Variants in NELL1 observed in about 807,000 individuals in gnomAD.
NELL1 encodes the protein protein kinase C-binding protein NELL1.
Under a neutral mutation model 107.4 loss-of-function variants are expected in NELL1, and 76 were observed. The observed-to-expected ratio is 0.71, with a 90% CI of 0.59 to 0.86. NELL1 has a LOEUF of 0.86. NELL1 is among the 40% of genes least tolerant of loss of function. NELL1 has a pLI of 0.00. For synonymous variants in NELL1, 353 were observed against 341.2 expected (o/e 1.03, Z -0.38); for missense variants, 1,024 against 1,005.5 (o/e 1.02, Z -0.25).
intron 15 of NELL1, among the ~76,000 whole-genome samples, chr11:21,439,154 A>T (rs537357447): frequency 1.4e-4 from 22 of 151,972 alleles, no homozygotes; most frequent in Admixed American, 3.3e-4. Flanking sequence ...TAGACAAGTC[A>T]ACTAAAAATA....
intron 15 of NELL1, among the ~76,000 whole-genome samples, chr11:21,380,180 G>A (rs772244799): frequency 6.6e-6 from 1 of 151,996 alleles, no homozygotes; most frequent in Non-Finnish European, 1.5e-5. Flanking sequence ...TATCATCAAC[G>A]TTGCTTCTTT....
chr11:20,690,176 A>G (rs1854424083), intron 2 of NELL1, among the ~76,000 whole-genome samples: 1 of 152,088 alleles, frequency 6.6e-6, no homozygotes, highest in Non-Finnish European at 1.5e-5. Context: ...CAGATTCTGG[A>G]TATTAGCCCT....
At chr11:20,714,196 T>A (rs1855182453) in intron 2 of NELL1, among the ~76,000 whole-genome samples, 2 of 86,176 alleles carry the variant, frequency 2.3e-5, no homozygotes, top group African/African-American at 1.4e-4. Flanking sequence ...TCTCCCCGAT[T>A]TTTTTTTTTT....
chr11:21,542,906 G>A (rs1856327707), intron 16 of NELL1, among the ~76,000 whole-genome samples: 1 of 152,006 alleles, frequency 6.6e-6, no homozygotes, highest in South Asian at 2.1e-4. Flanking sequence ...TATCCTGGCA[G>A]TCAGAGCAAA....
intron 13 of NELL1, among the ~76,000 whole-genome samples, chr11:21,140,761 G>A (rs1442279128): frequency 6.6e-6 from 1 of 152,036 alleles, no homozygotes; most frequent in Non-Finnish European, 1.5e-5. Context: ...TTCTTCAATT[G>A]GAGGTTTTAA....
chr11:21,259,207 A>G (rs914346748), intron 14 of NELL1, among the ~76,000 whole-genome samples: 5 of 151,912 alleles, frequency 3.3e-5, no homozygotes, highest in African/African-American at 1.2e-4. Context: ...ATGAGACACC[A>G]TCTCCACCCT....
rs181786338 is a variant in NELL1 at position 21,189,371 on chromosome 11, T to G, written c.1427-39961T>G. On this transcript the variant is annotated intron_variant, in intron 13 of 19. Coordinates refer to ENST00000357134, the MANE Select transcript of NELL1 (RefSeq NM_006157.5). ...ATTGTTTATTCCTAGGTTTATTTAT[T>G]TTATAATTACCTAGTAGCTCTAGAA... is the stretch of plus-strand genomic sequence containing the variant. 3.1e-4 allele frequency among the ~76,000 whole-genome samples: 47 copies of G among 151,976 alleles called. 1 individual carries two copies. In the Middle Eastern group the frequency reaches 0.01, roughly 33 times the overall value.
chr11:20,827,895 G>C lies in NELL1; in HGVS notation c.336-19688G>C, dbSNP rs939396919. 6.0e-5 allele frequency among the ~76,000 whole-genome samples: 9 copies of C among 151,196 alleles called. 1 individual carries two copies. Among genetic ancestry groups the C allele is most frequent in the Non-Finnish European group, 1.0e-4 (7 of 67,524 alleles). The stretch of plus-strand genomic sequence containing the variant: ...AAGTGACTTCCTTCTGTTGTGATGG[G>C]CACCATAGATTAAAAATATCTTAGT... On this transcript the variant is annotated intron_variant, in intron 3 of 19. Coordinates refer to ENST00000357134, the MANE Select transcript of NELL1 (RefSeq NM_006157.5).
chr11:21,154,262 T>C (rs1309825506), intron 13 of NELL1, among the ~76,000 whole-genome samples: 1 of 152,190 alleles, frequency 6.6e-6, no homozygotes, highest in Non-Finnish European at 1.5e-5. Flanking sequence ...TACTGAAATA[T>C]ATGATGATCA....
chr11:21,207,260 T>C (rs1157691631), intron 13 of NELL1, among the ~76,000 whole-genome samples: 8 of 152,204 alleles, frequency 5.3e-5, no homozygotes, highest in Non-Finnish European at 8.8e-5. Flanking sequence ...CCAGCAGCTC[T>C]GTGTGGTGGA....
intron 1 of NELL1, among the ~76,000 whole-genome samples, chr11:20,677,106 A>G (rs1854077839): frequency 6.6e-6 from 1 of 152,176 alleles, no homozygotes. Flanking sequence ...AAGGTTCTCT[A>G]AAAAGAGTTA....
chr11:21,157,228 C>T (rs1328614107), intron 13 of NELL1, among the ~76,000 whole-genome samples: 1 of 150,974 alleles, frequency 6.6e-6, no homozygotes, highest in African/African-American at 2.4e-5. Flanking sequence ...TGAAACATCC[C>T]CATGTATTTT....
intron 5 of NELL1, among the ~76,000 whole-genome samples, chr11:20,910,535 C>T (rs1484544485): frequency 2.0e-5 from 3 of 152,220 alleles, no homozygotes; most frequent in Non-Finnish European, 2.9e-5. Flanking sequence ...GGGCCATCAA[C>T]CTGAGCAGTC....
intron 12 of NELL1, among the ~76,000 whole-genome samples, chr11:21,052,105 G>A (rs1853507146): frequency 6.6e-6 from 1 of 151,950 alleles, no homozygotes. Context: ...GGTATCTGGA[G>A]AAGGGTGTTT....
rs114396349 is a variant in NELL1 at position 20,953,303 on chromosome 11, T to C, written c.1171+5868T>C. Among the ~76,000 whole-genome samples the C allele has an allele frequency of 7.1e-3, 1,088 of 152,290 alleles. 16 individuals are homozygous for C. Among genetic ancestry groups the C allele is most frequent in the African/African-American group, 0.025 (1,027 of 41,560 alleles). On this transcript the variant is annotated intron_variant, in intron 11 of 19. Coordinates refer to ENST00000357134, the MANE Select transcript of NELL1 (RefSeq NM_006157.5). ...ACCTGCCTGACCTGCTGGGGTATAC[T>C]TTAGGGGCAGGAGATTGAGGAACTA...
intron 4 of NELL1, among the ~76,000 whole-genome samples, chr11:20,876,658 G>A (rs987637441): frequency 3.9e-5 from 6 of 152,190 alleles, no homozygotes; most frequent in South Asian, 2.1e-4. Flanking sequence ...CCAGCTACTT[G>A]GGAGGCTGAG....
At chr11:21,157,249 C>T (rs1046677677) in intron 13 of NELL1, among the ~76,000 whole-genome samples, 3 of 150,746 alleles carry the variant, frequency 2.0e-5, no homozygotes, top group African/African-American at 4.9e-5. Context: ...TAAATATTTG[C>T]CTTAGAATGA....
At chr11:21,272,675 C>A (rs1166568278) in intron 14 of NELL1, among the ~76,000 whole-genome samples, 1 of 152,228 alleles carries the variant, frequency 6.6e-6, no homozygotes, top group Admixed American at 6.5e-5. Flanking sequence ...ACTGACACCT[C>A]ACACGGCCTG....
chr11:21,169,870 A>G (rs910877490), intron 13 of NELL1: 1 of 1,418,246 alleles, frequency 7.1e-7, no homozygotes. Flanking sequence ...AAGAGTTGCC[A>G]TGTCACCCAG....
Sources: gnomAD v4.1 joint callset for allele counts (sites outside exome capture counted in the v4.1 genomes callset) on GRCh38, gnomAD v4.1.1 for gene constraint, MANE v1.5 for transcripts, NCBI Gene and HGNC (gene_info 2026-07-23, HGNC 2026-07-21) for gene names.